The following TNR variants were observed in gnomAD, a reference collection of about 807,000 sequenced individuals.
TNR encodes tenascin-R.
TNR carries 45 observed loss-of-function variants against 150.4 expected under a neutral mutation model. That is an observed-to-expected ratio of 0.30 (90% CI 0.24 to 0.38). TNR has a LOEUF of 0.38. TNR is among the 10% of genes least tolerant of loss of function. TNR has a pLI of 1.00. For synonymous variants in TNR, 687 were observed against 678.4 expected, an observed-to-expected ratio of 1.01 and a Z score of -0.20; for missense variants, 1,544 against 1,759.1, an observed-to-expected ratio of 0.88 and a Z score of 2.19.
intron 2 of TNR, among the ~76,000 whole-genome samples, chr1:175,509,361 G>GA (rs138485910): frequency 0.04 from 6,096 of 152,274 alleles, 423 homozygotes; most frequent in African/African-American, 0.14. Flanking sequence ...AGATGGGAGA[G>GA]AAAATGGTCT....
intron 21 of TNR, among the ~76,000 whole-genome samples, chr1:175,329,823 G>T (rs764877691): frequency 9.9e-5 from 15 of 152,176 alleles, no homozygotes; most frequent in South Asian, 2.1e-4. Flanking sequence ...GTGAAGTAGG[G>T]CAGGCATCCT....
At chr1:175,664,000 G>A (rs901916998) in intron 1 of TNR, among the ~76,000 whole-genome samples, 1 of 152,200 alleles carries the variant, frequency 6.6e-6, no homozygotes, top group Non-Finnish European at 1.5e-5. Context: ...CCCAGGGGAA[G>A]GCAGTGGGCT....
chr1:175,539,427 T>C (rs182513705), intron 1 of TNR, among the ~76,000 whole-genome samples: 98 of 152,218 alleles, frequency 6.4e-4, no homozygotes, highest in African/African-American at 2.4e-3. Flanking sequence ...TGGAAACCCA[T>C]GTGTGGAATC....
intron 1 of TNR, among the ~76,000 whole-genome samples, chr1:175,607,476 A>G (rs1444191965): frequency 6.6e-6 from 1 of 152,248 alleles, no homozygotes; most frequent in Non-Finnish European, 1.5e-5. Context: ...ATTCTGAGTA[A>G]TCACAGAACA....
intron 2 of TNR, among the ~76,000 whole-genome samples, chr1:175,526,027 T>C (rs980441769): frequency 2.6e-5 from 4 of 152,124 alleles, no homozygotes; most frequent in Middle Eastern, 3.4e-3. Flanking sequence ...TTTTTTAAAT[T>C]CCCCTTTCCC....
chr1:175,458,898 T>C (rs1440179150), intron 2 of TNR, among the ~76,000 whole-genome samples: 2 of 151,896 alleles, frequency 1.3e-5, no homozygotes, highest in Admixed American at 6.6e-5. Context: ...GTCCTCCAAC[T>C]GTCATCATCG....
In TNR at chr1:175,724,511, T is replaced by A. The variant is rs528080365; in HGVS notation, c.-165+18715A>T. On this transcript the variant is annotated intron_variant, in intron 1 of 22. Coordinates refer to ENST00000367674, the MANE Select transcript of TNR (RefSeq NM_003285.3). The stretch of plus-strand genomic sequence containing the variant: ...TAGGCCCCACCTACAACACTGGGGA[T>A]TACAATTCGACATGAGATTTGGTGG... 5.9e-5 allele frequency among the ~76,000 whole-genome samples: 9 copies of A among 152,278 alleles called. No homozygotes were observed. The South Asian group carries it at 6.2e-4, about 11-fold the overall frequency.
intron 1 of TNR, among the ~76,000 whole-genome samples, chr1:175,740,973 C>T (rs1667910103): frequency 6.6e-6 from 1 of 152,212 alleles, no homozygotes; most frequent in Non-Finnish European, 1.5e-5. Context: ...ATGCCACCAG[C>T]CCAGGGTTCT....
chr1:175,624,399 C>T (rs4354507), intron 1 of TNR, among the ~76,000 whole-genome samples: 72,163 of 151,856 alleles, frequency 0.48, 18,332 homozygotes, highest in African/African-American at 0.68. Context: ...AGTTAGGTCA[C>T]ACTGAAGTAC....
At chr1:175,641,462 G>A (rs1369153539) in intron 1 of TNR, among the ~76,000 whole-genome samples, 1 of 152,174 alleles carries the variant, frequency 6.6e-6, no homozygotes, top group Admixed American at 6.5e-5. Context: ...TTATAGGGAG[G>A]ACATAGTAAT....
chr1:175,550,918 G>A (rs188983748), intron 1 of TNR, among the ~76,000 whole-genome samples: 4 of 152,060 alleles, frequency 2.6e-5, no homozygotes, highest in Admixed American at 2.0e-4. Flanking sequence ...TGTTTAAATT[G>A]ACACCATGTG....
intron 2 of TNR, among the ~76,000 whole-genome samples, chr1:175,515,122 G>A (rs1029714563): frequency 6.6e-6 from 1 of 152,198 alleles, no homozygotes; most frequent in Non-Finnish European, 1.5e-5. Context: ...AAGTGTGGCT[G>A]CTGGAATTAG....
chr1:175,434,639 T>A (rs1046489310), intron 2 of TNR, among the ~76,000 whole-genome samples: 1 of 152,212 alleles, frequency 6.6e-6, no homozygotes, highest in Non-Finnish European at 1.5e-5. Context: ...GTCTACGATA[T>A]GACTCTGTTT....
chr1:175,726,726 A>C (rs1055028666), intron 1 of TNR, among the ~76,000 whole-genome samples: 20 of 152,384 alleles, frequency 1.3e-4, no homozygotes, highest in African/African-American at 4.3e-4. Flanking sequence ...AGAAAAATTG[A>C]AAGACAAAAT....
chr1:175,474,087 C>T (rs1046562205), intron 2 of TNR, among the ~76,000 whole-genome samples: 3 of 152,008 alleles, frequency 2.0e-5, no homozygotes, highest in Non-Finnish European at 4.4e-5. Flanking sequence ...CATGTTATTT[C>T]TATAATATGA....
At chr1:175,407,906 C>A (rs753272215) in intron 2 of TNR, among the ~76,000 whole-genome samples, 3 of 152,174 alleles carry the variant, frequency 2.0e-5, no homozygotes, top group Non-Finnish European at 4.4e-5. Context: ...AAAGAGTGTT[C>A]AATTTTCTCT....
rs995954211 is a variant in TNR at position 175,649,884 on chromosome 1, T to A, written c.-165+93342A>T. Among the ~76,000 whole-genome samples, 6 of 152,212 alleles carry A rather than the reference T, an allele frequency of 3.9e-5. No homozygotes were observed. The East Asian group carries it at 1.2e-3, about 29-fold the overall frequency. ...ACCCTCTGTATTCTCCTGATCCATA[T>A]CTTTGCAAGTGATGTTTCCTCTGCC... On this transcript the variant is annotated intron_variant, in intron 1 of 22. Transcript: ENST00000367674.
intron 1 of TNR, among the ~76,000 whole-genome samples, chr1:175,536,717 T>A (rs7517293): frequency 0.68 from 103,011 of 152,094 alleles, 35,106 homozygotes; most frequent in Admixed American, 0.72. Flanking sequence ...CAAATAACTC[T>A]AGGGCAGCAG....
intron 2 of TNR, among the ~76,000 whole-genome samples, chr1:175,508,929 T>G (rs1383881160): frequency 1.3e-5 from 2 of 152,336 alleles, no homozygotes; most frequent in Admixed American, 1.3e-4. Context: ...TGCAGCACCA[T>G]GTGAATGAGC....
Sources: gnomAD v4.1 joint callset for allele counts (sites outside exome capture counted in the v4.1 genomes callset) on GRCh38, gnomAD v4.1.1 for gene constraint, MANE v1.5 for transcripts, NCBI Gene and HGNC (gene_info 2026-07-23, HGNC 2026-07-21) for gene names.